The following PLG variants were observed in gnomAD, a reference collection of about 807,000 sequenced individuals.
The protein encoded by PLG is plasmin.
Under a neutral mutation model 104.4 loss-of-function variants are expected in PLG, and 41 were observed. The observed-to-expected ratio is 0.39, with a 90% CI of 0.31 to 0.51. The LOEUF is 0.51. PLG is among the 20% of genes least tolerant of loss of function. The probability of loss-of-function intolerance (pLI) is 0.76; values close to 1 mark genes in which losing one functional copy is unlikely to be tolerated. For missense variants in PLG, 891 were observed against 1,003.6 expected (o/e 0.89, Z 1.52); for synonymous variants, 337 against 357.1 (o/e 0.94, Z 0.63).
chr6:160,733,868 A>T, intron 12 of PLG, 127 bp from the exon 13 acceptor site: 3 of 501,042 alleles, frequency 6.0e-6, no homozygotes, highest in African/African-American at 2.1e-5. Context: ...AAAAAAAAAA[A>T]GAAGGAAGGA....
chr6:160,705,679 G>GGGACC (rs1777508593), intron 1 of PLG: 1 of 152,186 alleles, frequency 6.6e-6, no homozygotes, highest in Non-Finnish European at 1.5e-5. Flanking sequence ...TTCTCAAGGA[G>GGGACC]GGACCATTCA....
At position 160,738,185 on chromosome 6, in the gene PLG, G is replaced by C. The variant is rs977179213; in HGVS notation, c.1803-353G>C. ...AGATCTTGTCATAAAAATGAAAGAG[G>C]CCTCGGGGGAAGGTCTTGGGCTGGT... On this transcript the variant is annotated intron_variant, in intron 14 of 18. Coordinates refer to ENST00000308192, the MANE Select transcript of PLG (RefSeq NM_000301.5). The surrounding 1 kb of genome is among the most constrained non-coding windows in gnomAD (Gnocchi z 6.8). Among the ~76,000 whole-genome samples the C allele has an allele frequency of 3.3e-5, 5 of 152,192 alleles. No homozygotes were observed. The highest frequency in any genetic ancestry group is 1.2e-4 in the African/African-American group (5 of 41,448).
In PLG at chr6:160,731,220, C is replaced by G. The variant is rs1445523751; in HGVS notation, c.1426C>G (p.Pro476Ala). ...PVVLLPDVET[P>A]SEEDCMFGNG... ...TGTCCTGCTTCCAGATGTAGAGACT[C>G]CTTCCGAAGAAGGTAAGAAATCTGT... Residue 476 changes from proline to alanine, a missense_variant, in exon 11 of 19, where the codon CCT becomes GCT. This residue lies in a region of PLG where 854 missense variants were observed against 932.1 expected (regional missense o/e 0.92). Coordinates refer to ENST00000308192, the MANE Select transcript of PLG (RefSeq NM_000301.5). This position sits in a 1 kb window ranked among gnomAD's most constrained non-coding sequence, Gnocchi z 5.1. The G allele has an allele frequency of 1.9e-6, 3 of 1,613,758 alleles. No individual in the cohort carries two copies. The highest frequency in any genetic ancestry group is 2.5e-6 in the Non-Finnish European group (3 of 1,179,686).
intron 17 of PLG, among the ~76,000 whole-genome samples, chr6:160,748,707 C>T (rs783178): frequency 0.56 from 85,727 of 152,032 alleles, 24,850 homozygotes; most frequent in East Asian, 0.98. Context: ...AAAGAGAAAT[C>T]ATTAGTGAAC....
intron 7 of PLG, among the ~76,000 whole-genome samples, chr6:160,718,070 T>C (rs1777770320): frequency 6.6e-6 from 1 of 152,066 alleles, no homozygotes; most frequent in African/African-American, 2.4e-5. Context: ...GCCAATATGA[T>C]GAAACCCCAC....
chr6:160,716,616 TG>T, intron 6 of PLG, 28 bp from the exon 7 acceptor site: 1 of 1,217,522 alleles, frequency 8.2e-7, no homozygotes, highest in Non-Finnish European at 1.2e-6. Context: ...AAATGTTCAG[TG>T]CTACTAAAAT....
chr6:160,716,076 G>A (rs192736011), intron 6 of PLG, among the ~76,000 whole-genome samples: 2 of 152,356 alleles, frequency 1.3e-5, no homozygotes, highest in African/African-American at 4.8e-5. Context: ...TGGGAGCAGA[G>A]CCTGGTAGAC....
intron 17 of PLG, among the ~76,000 whole-genome samples, chr6:160,742,303 A>G (rs530380047): frequency 1.3e-5 from 2 of 152,248 alleles, no homozygotes; most frequent in Admixed American, 1.3e-4. Flanking sequence ...TTTCTCTGCA[A>G]CCTTGCCAGC....
In PLG at chr6:160,723,031, A is replaced by T. The variant is rs1777862341; in HGVS notation, c.1256+464A>T. Among the ~76,000 whole-genome samples, 1 of 151,722 alleles carries T rather than the reference A, an allele frequency of 6.6e-6. No individual in the cohort carries two copies. Among genetic ancestry groups the T allele is most frequent in the Non-Finnish European group, 1.5e-5 (1 of 67,970 alleles). On this transcript the variant is annotated intron_variant, in intron 10 of 18. Transcript: ENST00000308192. This position sits in a 1 kb window ranked among gnomAD's most constrained non-coding sequence, Gnocchi z 4.7. ...AATATATATACACACATATATATGT[A>T]TACATATGTGTGCATATATAAATAC... is the stretch of plus-strand genomic sequence containing the variant.
chr6:160,711,233 G>C lies in PLG; in HGVS notation c.407+42G>C, dbSNP rs530037780. 26 of 1,590,288 alleles carry C rather than the reference G, an allele frequency of 1.6e-5. No homozygotes were observed. The South Asian group carries it at 2.7e-4, about 17-fold the overall frequency. ...CATCTTTGTGTTCATCTACTGTAAA[G>C]TTGTCCCTCTGTGTCTGTGAGGGAT... On this transcript the variant is annotated intron_variant, in intron 4 of 18. Coordinates refer to ENST00000308192, the MANE Select transcript of PLG (RefSeq NM_000301.5).
intron 17 of PLG, among the ~76,000 whole-genome samples, chr6:160,747,798 C>G (rs1778303090): frequency 1.3e-5 from 2 of 152,162 alleles, no homozygotes; most frequent in African/African-American, 4.8e-5. Flanking sequence ...GTAAAAGGAA[C>G]CTTGGCAAAG....
intron 9 of PLG, 67 bp from the exon 10 acceptor site, chr6:160,722,341 A>T: frequency 8.5e-7 from 1 of 1,178,532 alleles, no homozygotes; most frequent in East Asian, 2.3e-5. Flanking sequence ...TGTTTTTGTC[A>T]TAAATTGCTT....
chr6:160,730,908 G>T, intron 10 of PLG, 143 bp from the exon 11 acceptor site: 1 of 774,578 alleles, frequency 1.3e-6, no homozygotes, highest in African/African-American at 1.7e-5. Context: ...GACCATTTTT[G>T]TTTGTTACAA....
chr6:160,727,115 T>C (rs73784941), intron 10 of PLG, among the ~76,000 whole-genome samples: 13,125 of 151,954 alleles, frequency 0.086, 1,493 homozygotes, highest in Middle Eastern at 0.28. Flanking sequence ...AGGATCTTTT[T>C]GATATTAAAG....
chr6:160,725,086 G>A lies in PLG; in HGVS notation c.1256+2519G>A, dbSNP rs993162032. Among the ~76,000 whole-genome samples, 60 of 152,066 alleles carry A rather than the reference G, an allele frequency of 3.9e-4. No individual in the cohort carries two copies. Among genetic ancestry groups the A allele is most frequent in the African/African-American group, 1.3e-3 (53 of 41,466 alleles). ...AAAAATTAGCTGGGCATGGTGGCAC[G>A]TGCCTGTAATCCCAGCAACTCAGGA... On this transcript the variant is annotated intron_variant, in intron 10 of 18. Coordinates refer to ENST00000308192, the MANE Select transcript of PLG (RefSeq NM_000301.5). The surrounding 1 kb of genome is among the most constrained non-coding windows in gnomAD (Gnocchi z 6.3).
rs1016360119 is a variant in PLG at position 160,724,597 on chromosome 6, T to A, written c.1256+2030T>A. Among the ~76,000 whole-genome samples, 5 of 152,154 alleles carry A rather than the reference T, an allele frequency of 3.3e-5. No homozygotes were observed. The highest frequency in any genetic ancestry group is 1.3e-4 in the Admixed American group (2 of 15,278). On this transcript the variant is annotated intron_variant, in intron 10 of 18. Transcript: ENST00000308192. The surrounding 1 kb of genome is among the most constrained non-coding windows in gnomAD (Gnocchi z 5.0). The stretch of plus-strand genomic sequence containing the variant: ...TTAGAAGCCAGAAGAAGAAAATATA[T>A]GTTTACACAGAAGAATAGTGGTAAA...
rs1286253753 is a variant in PLG at position 160,732,240 on chromosome 6, A to G, written c.1587+347A>G. On this transcript the variant is annotated intron_variant, in intron 12 of 18. Coordinates refer to ENST00000308192, the MANE Select transcript of PLG (RefSeq NM_000301.5). This position sits in a 1 kb window ranked among gnomAD's most constrained non-coding sequence, Gnocchi z 4.5. ...ATCAAAGATGCCCTTTATGAAATTTAAGTCAGATTTTTCGAGAAAAAATTT... is the reference window on the plus strand; with the variant it reads ...ATCAAAGATGCCCTTTATGAAATTTGAGTCAGATTTTTCGAGAAAAAATTT... 6.6e-6 allele frequency among the ~76,000 whole-genome samples: 1 copy of G among 151,814 alleles called. No homozygotes were observed. The highest frequency in any genetic ancestry group is 1.5e-5 in the Non-Finnish European group (1 of 68,038).
At chr6:160,721,919 A>C (rs1253403714) in intron 9 of PLG, among the ~76,000 whole-genome samples, 3 of 152,164 alleles carry the variant, frequency 2.0e-5, no homozygotes, top group Non-Finnish European at 4.4e-5. Context: ...ACTCTCTGAG[A>C]AGCTGTGGAT....
rs1777863014 is a variant in PLG, at chr6:160,723,054, TACAC to T, written c.1256+491_1256+494del. ...GTATACATATGTGTGCATATATAAA[TACAC>T]ACATATATGAGATATACAAGTATAC... On this transcript the variant is annotated intron_variant, in intron 10 of 18. Transcript: ENST00000308192. This position sits in a 1 kb window ranked among gnomAD's most constrained non-coding sequence, Gnocchi z 4.7. 6.8e-6 allele frequency among the ~76,000 whole-genome samples: 1 copy of T among 146,194 alleles called. No homozygotes were observed. Among genetic ancestry groups the T allele is most frequent in the Non-Finnish European group, 1.5e-5 (1 of 67,744 alleles).
Sources: gnomAD v4.1 joint callset for allele counts (sites outside exome capture counted in the v4.1 genomes callset) on GRCh38, gnomAD v4.1.1 for gene constraint, gnomAD v4.1.1 regional missense constraint, Gnocchi (gnomAD v3.1) non-coding constraint, MANE v1.5 for transcripts, NCBI Gene and HGNC (gene_info 2026-07-23, HGNC 2026-07-21) for gene names.